Variants in EPHA6 observed in about 807,000 individuals in gnomAD.
EPHA6 encodes the protein EPH receptor A6, also known as ephrin type-A receptor 6.
EPHA6 carries 50 observed loss-of-function variants against 112.0 expected under a neutral mutation model. That is an observed-to-expected ratio of 0.45 (90% CI 0.36 to 0.56). The LOEUF is 0.56. EPHA6 is among the 20% of genes least tolerant of loss of function. EPHA6 has a pLI of 0.00. For synonymous variants in EPHA6, 529 were observed against 490.7 expected (o/e 1.08, Z -1.03); for missense variants, 1,280 against 1,417.4 (o/e 0.90, Z 1.56).
At chr3:97,553,396 C>G (rs1329605618) in intron 11 of EPHA6, among the ~76,000 whole-genome samples, 1 of 152,014 alleles carries the variant, frequency 6.6e-6, no homozygotes, top group Non-Finnish European at 1.5e-5. Flanking sequence ...CCAGATACTA[C>G]TTATTTTATA....
At chr3:97,489,601 G>A (rs895861666) in intron 10 of EPHA6, among the ~76,000 whole-genome samples, 5 of 151,424 alleles carry the variant, frequency 3.3e-5, no homozygotes, top group African/African-American at 9.7e-5. Context: ...CAAGAGAATG[G>A]CATGAACCCG....
intron 3 of EPHA6, among the ~76,000 whole-genome samples, chr3:97,169,057 G>A (rs77064152): frequency 0.013 from 1,936 of 152,114 alleles, 21 homozygotes; most frequent in Middle Eastern, 0.058. Context: ...ATTATACTTC[G>A]CAACACTTGT....
At chr3:97,318,868 C>T (rs192114126) in intron 5 of EPHA6, among the ~76,000 whole-genome samples, 1 of 151,742 alleles carries the variant, frequency 6.6e-6, no homozygotes, top group East Asian at 1.9e-4. Flanking sequence ...TTCAAGTGAA[C>T]ATTTATTGAG....
chr3:96,994,730 TATAG>T (rs1366091432), intron 3 of EPHA6, among the ~76,000 whole-genome samples: 3,744 of 82,656 alleles, frequency 0.045, 50 homozygotes, highest in East Asian at 0.12. Context: ...TATATATATA[TATAG>T]AGAGAGAGAG....
rs149291476 is a variant in EPHA6 at position 97,523,446 on chromosome 3, T to C, written c.2201-8912T>C. Among the ~76,000 whole-genome samples, 114 of 152,224 alleles carry C rather than the reference T, an allele frequency of 7.5e-4. 3 individuals are homozygous for C. In the East Asian group the frequency reaches 0.02, roughly 27 times the overall value. ...TATTAAGAATTGTTTTGTGGCCTAT[T>C]ATCTATCCTGTAGAATGTTCTGTGT... On this transcript the variant is annotated intron_variant, in intron 10 of 17. Coordinates refer to ENST00000389672, the MANE Select transcript of EPHA6 (RefSeq NM_001080448.3).
intron 11 of EPHA6, among the ~76,000 whole-genome samples, chr3:97,542,320 C>T (rs1037495393): frequency 1.3e-5 from 2 of 152,048 alleles, no homozygotes; most frequent in Non-Finnish European, 2.9e-5. Context: ...GTTCAATTCC[C>T]ACCTATGAGC....
chr3:97,509,982 T>G (rs1253182233), intron 10 of EPHA6, among the ~76,000 whole-genome samples: 1 of 152,246 alleles, frequency 6.6e-6, no homozygotes, highest in Non-Finnish European at 1.5e-5. Context: ...TCAATTCAGC[T>G]ATTCATACTT....
At position 97,551,060 on chromosome 3, in the gene EPHA6, C is replaced by A. The variant is rs111360467; in HGVS notation, c.2386+18517C>A. 2.8e-3 allele frequency among the ~76,000 whole-genome samples: 423 copies of A among 152,280 alleles called. 2 individuals carry two copies. The highest frequency in any genetic ancestry group is 9.8e-3 in the African/African-American group (409 of 41,564). ...GTGCTTCTCTATACTTTTGCAATTT[C>A]TCCTACCTTTGTGCAGCAATCATAT... On this transcript the variant is annotated intron_variant, in intron 11 of 17. Transcript: ENST00000389672.
intron 14 of EPHA6, chr3:97,648,346 A>G (rs1217043242): frequency 6.2e-7 from 1 of 1,603,938 alleles, no homozygotes; most frequent in East Asian, 2.2e-5. Context: ...GAGAAAAGCC[A>G]AATTTTCTGT....
intron 5 of EPHA6, among the ~76,000 whole-genome samples, chr3:97,328,268 A>C (rs1243928205): frequency 6.6e-6 from 1 of 151,840 alleles, no homozygotes; most frequent in Non-Finnish European, 1.5e-5. Flanking sequence ...GGTATATAAG[A>C]AACTGTGAAA....
chr3:97,712,163 A>C (rs957188211), intron 14 of EPHA6, among the ~76,000 whole-genome samples: 1 of 152,188 alleles, frequency 6.6e-6, no homozygotes, highest in African/African-American at 2.4e-5. Context: ...AAAATCCATT[A>C]CTTTTGTGTT....
Position 96,994,809 on chromosome 3 carries a change from T to G in EPHA6, c.1114+6816T>G, listed in dbSNP as rs528165637. 1.6e-3 allele frequency among the ~76,000 whole-genome samples: 235 copies of G among 144,956 alleles called. 3 individuals are homozygous for G. The highest frequency in any genetic ancestry group is 0.012 in the East Asian group (61 of 5,006). On this transcript the variant is annotated intron_variant, in intron 3 of 17. Transcript: ENST00000389672. ...GAGAATATGTGTGTGTATATATATATATAGAGAGAGAGAGAGAGAGCTATA... is the reference window on the plus strand; with the variant it reads ...GAGAATATGTGTGTGTATATATATAGATAGAGAGAGAGAGAGAGAGCTATA...
Position 97,586,723 on chromosome 3 carries a change from T to C in EPHA6, c.2387-5889T>C, listed in dbSNP as rs1232185653. Among the ~76,000 whole-genome samples the C allele has an allele frequency of 1.3e-4, 17 of 128,034 alleles. No individual in the cohort carries two copies. The East Asian group carries it at 3.4e-3, about 26-fold the overall frequency. 84.0% of individuals were successfully genotyped at this position (128,034 alleles called of 152,430 possible). A position where few individuals can be genotyped will look rare whatever the true frequency, so the allele number is the denominator to read the frequency against. On this transcript the variant is annotated intron_variant, in intron 11 of 17. Transcript: ENST00000389672. The stretch of plus-strand genomic sequence containing the variant: ...GATAGATGATGGATGGATGGATGGA[T>C]GGATAGACAGACAGACAGACAGACA...
intron 1 of EPHA6, among the ~76,000 whole-genome samples, chr3:96,817,891 CTTT>C (rs1180042889): frequency 6.6e-6 from 1 of 151,852 alleles, no homozygotes; most frequent in Non-Finnish European, 1.5e-5. Flanking sequence ...CTTCTCTTGT[CTTT>C]TAACTGAGTG....
intron 3 of EPHA6, among the ~76,000 whole-genome samples, chr3:97,067,762 A>G (rs2046224293): frequency 6.6e-6 from 1 of 152,154 alleles, no homozygotes; most frequent in Admixed American, 6.6e-5. Context: ...AACCATTTCT[A>G]TAGTAAGGGG....
chr3:97,204,519 T>C (rs1463554713), intron 3 of EPHA6, among the ~76,000 whole-genome samples: 1 of 152,084 alleles, frequency 6.6e-6, no homozygotes, highest in Non-Finnish European at 1.5e-5. Flanking sequence ...TGGGCCAAGA[T>C]TTGGATCCAG....
intron 3 of EPHA6, among the ~76,000 whole-genome samples, chr3:97,009,204 A>G (rs2043992137): frequency 6.6e-6 from 1 of 151,990 alleles, no homozygotes; most frequent in African/African-American, 2.4e-5. Flanking sequence ...CAGAACTACC[A>G]AGAGGAAAGG....
intron 3 of EPHA6, among the ~76,000 whole-genome samples, chr3:97,071,664 A>T (rs2046361872): frequency 6.6e-6 from 1 of 152,066 alleles, no homozygotes; most frequent in African/African-American, 2.4e-5. Flanking sequence ...AACATGTGAG[A>T]ATTCTGGGAG....
intron 14 of EPHA6, among the ~76,000 whole-genome samples, chr3:97,689,956 C>G (rs1208122620): frequency 6.6e-6 from 1 of 152,204 alleles, no homozygotes; most frequent in Non-Finnish European, 1.5e-5. Context: ...TAGCATGTAT[C>G]AATACTTCAT....
Sources: gnomAD v4.1 joint callset for allele counts (sites outside exome capture counted in the v4.1 genomes callset) on GRCh38, gnomAD v4.1.1 for gene constraint, MANE v1.5 for transcripts, NCBI Gene and HGNC (gene_info 2026-07-23, HGNC 2026-07-21) for gene names.